LMO7: variants seen among roughly 807,000 people sequenced by gnomAD.
The protein encoded by LMO7 is LIM domain 7.
A neutral mutation model predicts 206.5 loss-of-function variants in LMO7; 120 were observed. That is an observed-to-expected ratio of 0.58 (90% CI 0.50 to 0.68). The LOEUF is 0.68. LMO7 is among the 30% of genes least tolerant of loss of function. The pLI, the probability that LMO7 is intolerant of heterozygous loss-of-function variation, is 0.00. For missense variants in LMO7, 1,959 were observed against 1,957.9 expected, an observed-to-expected ratio of 1.00 and a Z score of -0.01; for synonymous variants, 706 against 681.5, an observed-to-expected ratio of 1.04 and a Z score of -0.56.
At chr13:75,674,283 A>G (rs1184669581) in intron 1 of LMO7, among the ~76,000 whole-genome samples, 3 of 152,262 alleles carry the variant, frequency 2.0e-5, no homozygotes, top group Non-Finnish European at 4.4e-5. Flanking sequence ...TTCCAAAAGT[A>G]TATTGACTGA....
At chr13:75,734,048 C>G (rs1005025870) in intron 3 of LMO7, among the ~76,000 whole-genome samples, 2 of 152,230 alleles carry the variant, frequency 1.3e-5, no homozygotes, top group East Asian at 3.8e-4. Context: ...TCAAGGCCTG[C>G]TAACTCTGTT....
intron 1 of LMO7, among the ~76,000 whole-genome samples, chr13:75,666,139 A>G (rs754363728): frequency 4.6e-5 from 7 of 152,218 alleles, no homozygotes; most frequent in Non-Finnish European, 7.3e-5. Context: ...TTGTATTGAT[A>G]TAGACCATGC....
At chr13:75,743,730 G>T (rs1014487060) in intron 3 of LMO7, among the ~76,000 whole-genome samples, 1 of 151,966 alleles carries the variant, frequency 6.6e-6, no homozygotes, top group Non-Finnish European at 1.5e-5. Context: ...AGAAGATCAG[G>T]AAAAATAACA....
chr13:75,842,986 G>A (rs1453536890), intron 25 of LMO7, 70 bp downstream of exon 25: 40 of 987,240 alleles, frequency 4.1e-5, no homozygotes, highest in Non-Finnish European at 5.3e-5. Context: ...AGCTTGCATC[G>A]ATGATTTGTA....
intron 4 of LMO7, among the ~76,000 whole-genome samples, chr13:75,776,916 G>T (rs2050587173): frequency 6.6e-6 from 1 of 152,204 alleles, no homozygotes; most frequent in South Asian, 2.1e-4. Context: ...ATGTTCCTTT[G>T]TTAAGAGGTA....
At chr13:75,779,931 T>G (rs1009187002) in intron 4 of LMO7, among the ~76,000 whole-genome samples, 1 of 152,082 alleles carries the variant, frequency 6.6e-6, no homozygotes, top group Non-Finnish European at 1.5e-5. Flanking sequence ...AAGCTGGATG[T>G]CCGGGGGAGA....
chr13:75,754,457 A>T (rs2047515214), intron 3 of LMO7, among the ~76,000 whole-genome samples: 1 of 152,224 alleles, frequency 6.6e-6, no homozygotes, highest in Non-Finnish European at 1.5e-5. Context: ...ATGCACATGC[A>T]TGTACATGTA....
intron 1 of LMO7, among the ~76,000 whole-genome samples, chr13:75,652,613 CAGTGTGTGTG>C (rs1339920055): frequency 9.0e-6 from 1 of 111,536 alleles, no homozygotes; most frequent in African/African-American, 4.1e-5. Flanking sequence ...ACCACAAGTT[CAGTGTGTGTG>C]TGTGTGTGTG....
intron 4 of LMO7, among the ~76,000 whole-genome samples, chr13:75,780,839 C>T (rs981623752): frequency 6.6e-6 from 1 of 152,178 alleles, no homozygotes; most frequent in Admixed American, 6.5e-5. Flanking sequence ...GTGGCTTCAG[C>T]TGGTCCCTTC....
At chr13:75,643,121 A>G (rs1237669443) in intron 1 of LMO7, among the ~76,000 whole-genome samples, 3 of 152,164 alleles carry the variant, frequency 2.0e-5, no homozygotes, top group African/African-American at 7.2e-5. Flanking sequence ...GATTTATTCA[A>G]TCTGTGTTGG....
chr13:75,746,763 C>T (rs928460213), intron 3 of LMO7, among the ~76,000 whole-genome samples: 1 of 151,976 alleles, frequency 6.6e-6, no homozygotes, highest in Non-Finnish European at 1.5e-5. Context: ...CTTCAGGCAT[C>T]TTTTTTTAAT....
intron 15 of LMO7, among the ~76,000 whole-genome samples, chr13:75,824,878 T>G (rs933127108): frequency 6.6e-6 from 1 of 152,134 alleles, no homozygotes; most frequent in African/African-American, 2.4e-5. Flanking sequence ...TAATAAAATA[T>G]GTGAAATAAT....
At chr13:75,770,158 CTTGT>C (rs2049435579) in intron 4 of LMO7, among the ~76,000 whole-genome samples, 1 of 141,258 alleles carries the variant, frequency 7.1e-6, no homozygotes, top group South Asian at 2.4e-4. Flanking sequence ...TACCTGAATC[CTTGT>C]TTGTTTTGGT....
chr13:75,695,661 C>G (rs192252268), intron 1 of LMO7, among the ~76,000 whole-genome samples: 7 of 152,248 alleles, frequency 4.6e-5, no homozygotes, highest in Admixed American at 2.6e-4. Flanking sequence ...GTTTTTAACC[C>G]TAGAAAGTTG....
chr13:75,821,394 A>G lies in LMO7; in HGVS notation c.2425A>G (p.Ile809Val). 4 of 1,614,158 alleles carry G rather than the reference A, an allele frequency of 2.5e-6. No homozygotes were observed. The highest frequency in any genetic ancestry group is 3.4e-6 in the Non-Finnish European group (4 of 1,179,996). The change falls in exon 14 of 31, where the codon ATT becomes GTT. Residue 809 changes from isoleucine to valine, a missense_variant. Ile to Val is a conservative substitution (Grantham distance 29). Coordinates refer to ENST00000377534, the MANE Select transcript of LMO7 (RefSeq NM_001306080.2). Reference protein sequence around the residue: ...AKREDRVTTEIQLPSQSPVEE... With the variant: ...AKREDRVTTEVQLPSQSPVEE... ...AAGAGAGGACCGTGTAACAACTGAA[A>G]TTCAGCTTCCTTCTCAAAGTCCTGT...
chr13:75,815,230 A>G (rs2056856058), intron 11 of LMO7, among the ~76,000 whole-genome samples: 1 of 152,166 alleles, frequency 6.6e-6, no homozygotes, highest in Non-Finnish European at 1.5e-5. Flanking sequence ...TAATCCAGGT[A>G]GCAGATGTGA....
chr13:75,634,523 G>C (rs1466117764), upstream of LMO7, among the ~76,000 whole-genome samples: 5 of 152,042 alleles, frequency 3.3e-5, no homozygotes, highest in African/African-American at 4.8e-5. Context: ...GGCGGATCAC[G>C]AGGTCAGGAC....
intron 4 of LMO7, among the ~76,000 whole-genome samples, chr13:75,774,945 T>G (rs1452598629): frequency 2.0e-5 from 3 of 152,056 alleles, no homozygotes; most frequent in Non-Finnish European, 2.9e-5. Context: ...AAAGAGATTA[T>G]CTAATAAAAA....
At chr13:75,733,723 C>A (rs562714960) in intron 3 of LMO7, among the ~76,000 whole-genome samples, 1 of 152,228 alleles carries the variant, frequency 6.6e-6, no homozygotes, top group Non-Finnish European at 1.5e-5. Context: ...CTGCGTCGCT[C>A]ATGCTGGGAG....
Sources: gnomAD v4.1 joint callset for allele counts (sites outside exome capture counted in the v4.1 genomes callset) on GRCh38, gnomAD v4.1.1 for gene constraint, MANE v1.5 for transcripts, NCBI Gene and HGNC (gene_info 2026-07-23, HGNC 2026-07-21) for gene names.